Variants in RPS6KA3 observed in about 807,000 individuals in gnomAD.
The protein encoded by RPS6KA3 is ribosomal protein S6 kinase alpha-3.
In RPS6KA3, 4 loss-of-function variants were observed where a neutral mutation model predicts 67.2. That is an observed-to-expected ratio of 0.06 (90% confidence interval 0.03 to 0.14). The LOEUF (loss-of-function observed/expected upper bound fraction) is 0.14. Ranked by LOEUF, RPS6KA3 falls within the 10% of genes least tolerant of loss-of-function variation. RPS6KA3 has a pLI of 1.00. For missense variants in RPS6KA3, 204 were observed against 559.0 expected, an observed-to-expected ratio of 0.36 and a Z score of 6.40; for synonymous variants, 182 against 183.7, an observed-to-expected ratio of 0.99 and a Z score of 0.07.
At chrX:20,169,709 C>T (rs774721598) in intron 15 of RPS6KA3, 67 of 433,991 alleles carry the variant, frequency 1.5e-4, no homozygotes, top group Non-Finnish European at 2.6e-4. Context: ...GAGTCGCATT[C>T]CCACCATGCC....
At chrX:20,262,988 A>G (rs1265284012) in intron 1 of RPS6KA3, among the ~76,000 whole-genome samples, 1 of 111,445 alleles carries the variant, frequency 9.0e-6, no homozygotes, top group African/African-American at 3.3e-5. Context: ...CTATAATAAA[A>G]TACTTATATA....
chrX:20,239,992 A>AT (rs1467175334), intron 1 of RPS6KA3, among the ~76,000 whole-genome samples: 4 of 111,324 alleles, frequency 3.6e-5, no homozygotes, highest in Non-Finnish European at 5.7e-5. Flanking sequence ...TACCTCTGAA[A>AT]ATATATAATT....
chrX:20,154,131 T>C lies in RPS6KA3; in HGVS notation c.*1267A>G, dbSNP rs2148620375. 8.9e-6 allele frequency: 1 copy of C among 112,151 alleles called. No individual in the cohort carries two copies. Among genetic ancestry groups the C allele is most frequent in the South Asian group, 3.7e-4 (1 of 2,712 alleles). 9.2% of individuals were successfully genotyped at this position (112,151 alleles called of 1,213,427 possible). ...ATCTAAGCAGGCCCAGTGGCCATTA[T>C]GAAAACTGATCATTCCTGAAGTCAA... is the stretch of plus-strand genomic sequence containing the variant. On this transcript the variant is annotated 3_prime_UTR_variant, in exon 22 of 22. Transcript: ENST00000379565.
At chrX:20,183,780 A>C (rs1443087479) in intron 10 of RPS6KA3, among the ~76,000 whole-genome samples, 1 of 112,289 alleles carries the variant, frequency 8.9e-6, no homozygotes, top group African/African-American at 3.2e-5. Flanking sequence ...ATTCACATTA[A>C]AAAGTTGTTA....
At chrX:20,197,534 T>C (rs991852749) in intron 4 of RPS6KA3, among the ~76,000 whole-genome samples, 1 of 112,220 alleles carries the variant, frequency 8.9e-6, no homozygotes, top group Non-Finnish European at 1.9e-5. Context: ...TTTCCTCCTC[T>C]ATAAAATGAA....
chrX:20,189,072 G>A (rs1021996038), intron 7 of RPS6KA3, among the ~76,000 whole-genome samples: 2 of 111,786 alleles, frequency 1.8e-5, no homozygotes, highest in Admixed American at 9.5e-5. Context: ...GAGCCACTGC[G>A]TGCCCAGCTC....
intron 20 of RPS6KA3, among the ~76,000 whole-genome samples, chrX:20,160,966 T>G (rs915079278): frequency 3.6e-5 from 4 of 110,507 alleles, no homozygotes; most frequent in Non-Finnish European, 7.6e-5. Flanking sequence ...AAAACTTCAT[T>G]TTTTTTTTAA....
chrX:20,183,479 C>T (rs1433610545), intron 10 of RPS6KA3, among the ~76,000 whole-genome samples: 5 of 111,192 alleles, frequency 4.5e-5, no homozygotes, highest in African/African-American at 1.6e-4. Flanking sequence ...ATTTTTTATA[C>T]GAATATTTAA....
chrX:20,234,204 C>T (rs752354341), intron 2 of RPS6KA3, among the ~76,000 whole-genome samples: 5 of 112,776 alleles, frequency 4.4e-5, no homozygotes, highest in African/African-American at 1.3e-4. Context: ...ACATGGCTCA[C>T]GCCTGTAATC....
At chrX:20,190,335 A>T (rs1177568642) in intron 7 of RPS6KA3, among the ~76,000 whole-genome samples, 6 of 112,086 alleles carry the variant, frequency 5.4e-5, no homozygotes, top group Non-Finnish European at 1.1e-4. Flanking sequence ...AAAAATTTAA[A>T]TTTCTCCCAA....
intron 4 of RPS6KA3, among the ~76,000 whole-genome samples, chrX:20,195,794 C>A: frequency 8.9e-6 from 1 of 111,996 alleles, no homozygotes; most frequent in Middle Eastern, 4.6e-3. Flanking sequence ...GAGCAAGATA[C>A]TTATTTAAAT....
In RPS6KA3 at chrX:20,153,301, C is replaced by G. The variant is rs2067133443; in HGVS notation, c.*2097G>C. The stretch of plus-strand genomic sequence containing the variant: ...CCATATATTCAAGAATTTGAAAATA[C>G]TTTCTCTATCTAGACATTCTGATAT... On this transcript the variant is annotated 3_prime_UTR_variant, in exon 22 of 22. Transcript: ENST00000379565. 8.9e-6 allele frequency: 1 copy of G among 111,885 alleles called. No individual in the cohort carries two copies. The highest frequency in any genetic ancestry group is 3.2e-5 in the African/African-American group (1 of 30,778). The allele number at this position is 111,885 out of a possible 1,213,427, so 9.2% of individuals were successfully genotyped here.
rs1285170427 is a variant in RPS6KA3, at chrX:20,151,250, G to GA, written c.*4147dup. The GA allele has an allele frequency of 8.9e-6, 1 of 112,279 alleles. No individual in the cohort carries two copies. The highest frequency in any genetic ancestry group is 1.9e-5 in the Non-Finnish European group (1 of 53,184). The allele number at this position is 112,279 out of a possible 1,213,427, so 9.3% of individuals were successfully genotyped here. Reference sequence around the variant, plus strand: ...TTATCATTCTGGAGATTCTTCATTGGAAAAAGTGGTTAAGTGTGGCTCTGT... The same window carrying GA: ...TTATCATTCTGGAGATTCTTCATTGGAAAAAAGTGGTTAAGTGTGGCTCTGT... On this transcript the variant is annotated 3_prime_UTR_variant, in exon 22 of 22. Transcript: ENST00000379565.
intron 15 of RPS6KA3, among the ~76,000 whole-genome samples, chrX:20,172,347 C>T (rs1406037441): frequency 9.0e-6 from 1 of 111,630 alleles, no homozygotes; most frequent in Non-Finnish European, 1.9e-5. Context: ...TCATTAGTTC[C>T]CAGATCCTTT....
At chrX:20,191,192 A>G (rs1249576270) in intron 7 of RPS6KA3, among the ~76,000 whole-genome samples, 1 of 111,534 alleles carries the variant, frequency 9.0e-6, no homozygotes, top group Non-Finnish European at 1.9e-5. Flanking sequence ...CCTGCAAAGG[A>G]CATGAACTCA....
intron 21 of RPS6KA3, 25 bp downstream of exon 21, chrX:20,156,084 A>C (rs889199765): frequency 1.7e-6 from 2 of 1,206,541 alleles, no homozygotes; most frequent in Non-Finnish European, 2.2e-6. Flanking sequence ...CCTGTGGAAA[A>C]CAGTGACTGT....
chrX:20,204,274 T>C (rs1305521693), intron 3 of RPS6KA3, among the ~76,000 whole-genome samples, 171 bp from the exon 4 acceptor site: 1 of 112,300 alleles, frequency 8.9e-6, no homozygotes, highest in African/African-American at 3.2e-5. Context: ...ACATTTGTTA[T>C]AACTTGGGGT....
intron 1 of RPS6KA3, 25 bp downstream of exon 1, chrX:20,266,539 G>A: frequency 8.9e-7 from 1 of 1,128,813 alleles, no homozygotes; most frequent in Non-Finnish European, 1.2e-6. Flanking sequence ...AGATGCGCCG[G>A]CCCCGGCCGC....
At chrX:20,226,390 T>C (rs115653523) in intron 2 of RPS6KA3, among the ~76,000 whole-genome samples, 2,560 of 111,342 alleles carry the variant, frequency 0.023, 70 homozygotes, top group African/African-American at 0.074. Flanking sequence ...AAGGTCTGAG[T>C]GACGGTATTT....
Sources: gnomAD v4.1 joint callset for allele counts (sites outside exome capture counted in the v4.1 genomes callset) on GRCh38, gnomAD v4.1.1 for gene constraint, MANE v1.5 for transcripts, NCBI Gene and HGNC (gene_info 2026-07-23, HGNC 2026-07-21) for gene names.